The following KIR2DL4 variants were observed in gnomAD, a reference collection of about 807,000 sequenced individuals.
KIR2DL4 encodes killer cell immunoglobulin like receptor, two Ig domains and long cytoplasmic tail 4.
In KIR2DL4, 41 loss-of-function variants were observed where a neutral mutation model predicts 31.0. The observed-to-expected ratio is 1.32, with a 90% CI of 1.03 to 1.72. The LOEUF (loss-of-function observed/expected upper bound fraction) is 1.72. Ranked by LOEUF, KIR2DL4 falls within the 40% of genes most tolerant of loss-of-function variation. The pLI is 0.00. For missense variants in KIR2DL4, 438 were observed against 353.7 expected (o/e 1.24, Z -1.91); for synonymous variants, 164 against 133.6 (o/e 1.23, Z -1.57).
rs1399674580 is a variant in KIR2DL4, at chr19:54,806,213, C to G, written c.624C>G (p.Asp208Glu). 2 of 1,610,676 alleles carry G rather than the reference C, an allele frequency of 1.2e-6. No individual in the cohort carries two copies. The highest frequency in any genetic ancestry group is 2.7e-5 in the African/African-American group (2 of 73,940). ...ATGGATCTCCCTACGAGTGGTCAGA[C>G]CCGAGTGACCCACTGCCTGTTTCTG... The change falls in exon 4 of 8, where the codon GAC (aspartate) becomes GAG (glutamate). Residue 208 changes from aspartate to glutamate, a missense_variant. By Grantham distance (45) the Asp-to-Glu change is conservative. Transcript: ENST00000359085.
chr19:54,806,987 C>T (rs4806564), intron 4 of KIR2DL4, among the ~76,000 whole-genome samples: 6,272 of 149,616 alleles, frequency 0.042, 307 homozygotes, highest in East Asian at 0.093. Context: ...TGCACTGCAG[C>T]CTGGTGACAC....
intron 5 of KIR2DL4, among the ~76,000 whole-genome samples, chr19:54,810,406 C>T (rs377428835): frequency 6.6e-6 from 1 of 151,168 alleles, no homozygotes; most frequent in African/African-American, 2.4e-5. Flanking sequence ...AGATTAGAGG[C>T]GTGAGCCAAG....
rs750525135 is a variant in KIR2DL4, at chr19:54,808,808, A to T, written c.656-25A>T. On this transcript the variant is annotated intron_variant, in intron 4 of 7. Transcript: ENST00000359085. The stretch of plus-strand genomic sequence containing the variant: ...AGAAGACAGGCATCCTCATTGCCAC[A>T]CCTCTCTCCTGTCCCGTGTTCTAGG... 1.1e-5 allele frequency: 16 copies of T among 1,521,840 alleles called. No homozygotes were observed. In the South Asian group the frequency reaches 1.8e-4, roughly 17 times the overall value. 94.3% of individuals were successfully genotyped at this position (1,521,840 alleles called of 1,614,324 possible).
At chr19:54,806,503 G>T (rs150813987) in intron 4 of KIR2DL4, among the ~76,000 whole-genome samples, 2 of 150,644 alleles carry the variant, frequency 1.3e-5, no homozygotes, top group South Asian at 4.3e-4. Flanking sequence ...GAGGGAGACT[G>T]GGCTCAGTTT....
Position 54,804,922 on chromosome 19 carries a change from C to G in KIR2DL4, c.206C>G (p.Pro69Arg), listed in dbSNP as rs1320911205. Reference sequence around the variant, plus strand: ...ACGCTGTACAAGAAAGATGGGGTCCCTGTCCCTGAGCTCTACAACAGAATA... The same window carrying G: ...ACGCTGTACAAGAAAGATGGGGTCCGTGTCCCTGAGCTCTACAACAGAATA... Residue 69 changes from proline (P) to arginine (R), a missense_variant, in exon 3 of 8, where the codon CCT (proline) becomes CGT (arginine). By Grantham distance (103) the Pro-to-Arg change is moderately radical. Transcript: ENST00000359085. 2 of 1,612,232 alleles carry G rather than the reference C, an allele frequency of 1.2e-6. No homozygotes were observed. Among genetic ancestry groups the G allele is most frequent in the African/African-American group, 2.7e-5 (2 of 74,232 alleles).
rs200439905 is a variant in KIR2DL4 at position 54,809,026 on chromosome 19, C to T, written c.706+143C>T. The T allele has an allele frequency of 7.2e-5, 55 of 765,148 alleles. 2 individuals are homozygous for T. The East Asian group carries it at 7.4e-4, about 10-fold the overall frequency. The allele number at this position is 765,148 out of a possible 1,614,324, so 47.4% of individuals were successfully genotyped here. ...CTCTGAACCCCAGACACTCCAACAG[C>T]GAAAGGGATCTGGGCCCAGCACAGG... On this transcript the variant is annotated intron_variant, in intron 5 of 7. Coordinates refer to ENST00000359085, the Ensembl canonical transcript of KIR2DL4.
exon 3 of KIR2DL4, chr19:54,804,823 G>C: frequency 6.2e-7 from 1 of 1,612,274 alleles, no homozygotes; most frequent in Non-Finnish European, 8.5e-7. Flanking sequence ...TGCTCTGCCT[G>C]GCCCAGCGCT....
At chr19:54,803,614 G>C in exon 1 of KIR2DL4, 1 of 1,611,892 alleles carries the variant, frequency 6.2e-7, no homozygotes, top group Non-Finnish European at 8.5e-7. Context: ...CCGGTCAGTC[G>C]AGCCGAGTCA....
Position 54,803,814 on chromosome 19 carries a change from G to A in KIR2DL4, c.41-77G>A, listed in dbSNP as rs1343854301. The A allele has an allele frequency of 2.6e-6, 4 of 1,566,384 alleles. No individual in the cohort carries two copies. The Admixed American group carries it at 5.0e-5, about 20-fold the overall frequency. Reference sequence around the variant, plus strand: ...TGAGGATGAGTTAATTTTCAGTCCAGCGTGGCGCCCAGTGGCTCAGGAGGA... The same window carrying A: ...TGAGGATGAGTTAATTTTCAGTCCAACGTGGCGCCCAGTGGCTCAGGAGGA... On this transcript the variant is annotated intron_variant, in intron 1 of 7. Transcript: ENST00000359085.
At chr19:54,807,960 A>T (rs2060625385) in intron 4 of KIR2DL4, among the ~76,000 whole-genome samples, 1 of 151,280 alleles carries the variant, frequency 6.6e-6, no homozygotes, top group Non-Finnish European at 1.5e-5. Context: ...GCACTTTTTC[A>T]TATATGCAAT....
Position 54,814,116 on chromosome 19 carries a change from G to C in KIR2DL4, c.*316G>C. The stretch of plus-strand genomic sequence containing the variant: ...GTACCAGCAGCTGGAATCTGAAGGC[G>C]TGAGTCTCCATCTTAGAGCATCACT... On this transcript the variant is annotated 3_prime_UTR_variant, in exon 8 of 8. Transcript: ENST00000359085. The C allele has an allele frequency of 3.7e-6, 6 of 1,608,614 alleles. 1 individual carries two copies. In the Admixed American group the frequency reaches 8.4e-5, roughly 22 times the overall value.
chr19:54,807,903 G>T (rs2060622675), intron 4 of KIR2DL4, among the ~76,000 whole-genome samples: 1 of 150,616 alleles, frequency 6.6e-6, no homozygotes, highest in Non-Finnish European at 1.5e-5. Context: ...TGAGATGATA[G>T]CTCATTGTGA....
At chr19:54,811,420 A>C (rs1342367740) in intron 5 of KIR2DL4, among the ~76,000 whole-genome samples, 1 of 151,384 alleles carries the variant, frequency 6.6e-6, no homozygotes, top group Non-Finnish European at 1.5e-5. Flanking sequence ...TAAAGAATAC[A>C]TAAATATAAT....
rs2061070683 is a variant in KIR2DL4, at chr19:54,814,168, T to C, written c.*368T>C. ...TTCCTCACACCACAAATCTGGTGCC[T>C]GTCTCTTGCTTACCAATGTCTAAGG... is the stretch of plus-strand genomic sequence containing the variant. On this transcript the variant is annotated 3_prime_UTR_variant, in exon 8 of 8. Transcript: ENST00000359085. 3 of 1,575,836 alleles carry C rather than the reference T, an allele frequency of 1.9e-6. No individual in the cohort carries two copies. The South Asian group carries it at 3.4e-5, about 18-fold the overall frequency.
chr19:54,807,170 C>T (rs78428848), intron 4 of KIR2DL4, among the ~76,000 whole-genome samples: 51,066 of 150,062 alleles, frequency 0.34, 10,232 homozygotes, highest in African/African-American at 0.51. Context: ...TAATGACCTC[C>T]AGTCCATCCA....
chr19:54,810,105 A>T (rs1473785473), intron 5 of KIR2DL4, among the ~76,000 whole-genome samples: 1 of 147,360 alleles, frequency 6.8e-6, no homozygotes, highest in Non-Finnish European at 1.5e-5. Context: ...GCATCTGTGC[A>T]TGAGAATGAT....
In KIR2DL4 at chr19:54,808,817, C is replaced by T; in HGVS notation, c.656-16C>T. The T allele has an allele frequency of 6.5e-7, 1 of 1,549,772 alleles. No homozygotes were observed. Among genetic ancestry groups the T allele is most frequent in the Non-Finnish European group, 8.9e-7 (1 of 1,126,826 alleles). On this transcript the variant is annotated splice_polypyrimidine_tract_variant and intron_variant, in intron 4 of 7. Transcript: ENST00000359085. ...GCATCCTCATTGCCACACCTCTCTC[C>T]TGTCCCGTGTTCTAGGAAACCCTTC...
intron 5 of KIR2DL4, among the ~76,000 whole-genome samples, chr19:54,809,423 T>C (rs2060722041): frequency 1.3e-5 from 2 of 150,826 alleles, no homozygotes; most frequent in South Asian, 4.2e-4. Context: ...CCTTTTCCTA[T>C]GTTGCCATAA....
chr19:54,811,829 G>A (rs2060882186), intron 5 of KIR2DL4, among the ~76,000 whole-genome samples: 2 of 151,206 alleles, frequency 1.3e-5, no homozygotes, highest in South Asian at 4.2e-4. Context: ...CTGTATTGAA[G>A]CAACAGATGA....
Sources: allele counts gnomAD v4.1 joint callset (sites outside exome capture counted in the v4.1 genomes callset), GRCh38; gene constraint gnomAD v4.1.1; transcripts MANE v1.5; gene names NCBI Gene and HGNC (gene_info 2026-07-23, HGNC 2026-07-21).